Variants in CELF2 observed in about 807,000 individuals in gnomAD.
The protein encoded by CELF2 is CUGBP Elav-like family member 2, also known as CUG triplet repeat RNA-binding protein 2.
A neutral mutation model predicts 62.6 loss-of-function variants in CELF2; 8 were observed. The ratio of observed to expected loss-of-function variants is 0.13; its 90% confidence interval spans 0.07 to 0.23. CELF2 has a LOEUF of 0.23. Among genes scored for constraint, CELF2 ranks in the 10% least tolerant of loss-of-function variants. CELF2 has a pLI of 1.00. For missense variants in CELF2, 333 were observed against 671.0 expected (o/e 0.50, Z 5.56); for synonymous variants, 258 against 250.0 (o/e 1.03, Z -0.30).
chr10:11,250,537 C>T (rs926338210), intron 4 of CELF2, among the ~76,000 whole-genome samples: 2 of 152,204 alleles, frequency 1.3e-5, no homozygotes, highest in Non-Finnish European at 1.5e-5. Context: ...CACGCCACTC[C>T]TGTAGTCAGC....
intron 3 of CELF2, among the ~76,000 whole-genome samples, chr10:11,238,253 G>A (rs544097432): frequency 6.6e-6 from 1 of 152,326 alleles, no homozygotes; most frequent in South Asian, 2.1e-4. Context: ...AGTAGTGATT[G>A]TGATCTTCCG....
In CELF2 at chr10:10,990,991, C is replaced by T. The variant is rs202057116; in HGVS notation, c.89+70992C>T. 6.7e-6 allele frequency among the ~76,000 whole-genome samples: 1 copy of T among 149,852 alleles called. No homozygotes were observed. Among genetic ancestry groups the T allele is most frequent in the Non-Finnish European group, 1.5e-5 (1 of 67,544 alleles). On this transcript the variant is annotated intron_variant, in intron 2 of 13. Coordinates refer to the CELF2 transcript ENST00000636488. This position sits in a 1 kb window ranked among gnomAD's most constrained non-coding sequence, Gnocchi z 4.6. ...TGCGTGTGTGTGTGTGTGTGTGTGC[C>T]CACACGTGTGTGTTGTTTTGTTTGT...
intron 1 of CELF2, among the ~76,000 whole-genome samples, chr10:11,035,349 G>C (rs1211910781): frequency 6.6e-6 from 1 of 152,192 alleles, no homozygotes; most frequent in Admixed American, 6.5e-5. Flanking sequence ...ACCCTTCCCT[G>C]GTGCCTGGAT....
At chr10:11,250,196 G>A (rs150323107) in intron 4 of CELF2, among the ~76,000 whole-genome samples, 36 of 152,298 alleles carry the variant, frequency 2.4e-4, no homozygotes, top group African/African-American at 7.9e-4. Flanking sequence ...GCCAGCACCC[G>A]ACTTGTCAGA....
At chr10:10,956,958 G>A (rs918468120) in intron 2 of CELF2, among the ~76,000 whole-genome samples, 1 of 151,586 alleles carries the variant, frequency 6.6e-6, no homozygotes, top group African/African-American at 2.4e-5. Flanking sequence ...AGAAAAAAAA[G>A]TGATTTGCTC....
intron 1 of CELF2, among the ~76,000 whole-genome samples, chr10:10,853,348 C>T (rs1259555812): frequency 6.6e-6 from 1 of 152,036 alleles, no homozygotes; most frequent in East Asian, 1.9e-4. Context: ...GCTTAATTAG[C>T]AGGCTCCTAT....
At chr10:10,859,263 C>T (rs963124321) in intron 1 of CELF2, among the ~76,000 whole-genome samples, 1 of 152,104 alleles carries the variant, frequency 6.6e-6, no homozygotes, top group Admixed American at 6.5e-5. Flanking sequence ...GTTGAGGGCT[C>T]AGGTTGATCA....
upstream of CELF2, among the ~76,000 whole-genome samples, chr10:10,793,900 G>A (rs537633514): frequency 6.6e-6 from 1 of 152,144 alleles, no homozygotes; most frequent in South Asian, 2.1e-4. Context: ...TTTAGCAGAG[G>A]GTTGCCAGAT....
chr10:11,137,065 T>C (rs1356960171), intron 1 of CELF2, among the ~76,000 whole-genome samples: 1 of 152,232 alleles, frequency 6.6e-6, no homozygotes, highest in Non-Finnish European at 1.5e-5. Context: ...GGCATATATG[T>C]AAGATTATAT....
At chr10:10,495,884 A>G in the CELF2 span, among the ~76,000 whole-genome samples, 1 of 152,232 alleles carries the variant, frequency 6.6e-6, no homozygotes, top group Non-Finnish European at 1.5e-5. Context: ...AAACATGGAC[A>G]TAATTTAAAG....
At chr10:10,584,020 G>A in the CELF2 span, among the ~76,000 whole-genome samples, 47,940 of 151,878 alleles carry the variant, frequency 0.32, 7,964 homozygotes, top group East Asian at 0.6. Context: ...ACCGTAGGGG[G>A]CTAAGGCTGT....
At chr10:10,856,027 T>G (rs1223261816) in intron 1 of CELF2, among the ~76,000 whole-genome samples, 1 of 152,008 alleles carries the variant, frequency 6.6e-6, no homozygotes, top group African/African-American at 2.4e-5. Flanking sequence ...AGAACTAAAT[T>G]TATTATACTT....
At chr10:10,594,242 A>G in the CELF2 span, among the ~76,000 whole-genome samples, 1 of 152,240 alleles carries the variant, frequency 6.6e-6, no homozygotes, top group Non-Finnish European at 1.5e-5. Context: ...TTTCTAGCTT[A>G]GGTGACTGGT....
intron 1 of CELF2, among the ~76,000 whole-genome samples, chr10:10,888,930 A>G (rs755587961): frequency 2.6e-5 from 4 of 152,252 alleles, no homozygotes; most frequent in Middle Eastern, 3.4e-3. Flanking sequence ...TGTCACTCTT[A>G]TCTTTGTCTT....
chr10:10,798,617 A>G (rs1016572151), upstream of CELF2: 4 of 397,082 alleles, frequency 1.0e-5, no homozygotes, highest in Admixed American at 8.8e-5. Flanking sequence ...CGGGGTGGAG[A>G]GAAGTCAGGA....
the CELF2 span, among the ~76,000 whole-genome samples, chr10:10,557,631 G>A: frequency 1.3e-5 from 2 of 152,070 alleles, no homozygotes; most frequent in Non-Finnish European, 2.9e-5. Context: ...GGGCAGTATT[G>A]CCATTTTCAC....
the CELF2 span, among the ~76,000 whole-genome samples, chr10:10,614,926 T>C: frequency 3.4e-3 from 518 of 152,084 alleles, 9 homozygotes; most frequent in African/African-American, 0.012. Context: ...ATAACTCTTT[T>C]TCGGTGGTGG....
chr10:10,728,067 GTC>G, the CELF2 span, among the ~76,000 whole-genome samples: 3 of 151,802 alleles, frequency 2.0e-5, no homozygotes, highest in Non-Finnish European at 2.9e-5. Flanking sequence ...GGTTGGGGAA[GTC>G]TCTGTCTAGA....
chr10:10,750,186 G>T, the CELF2 span, among the ~76,000 whole-genome samples: 3 of 152,116 alleles, frequency 2.0e-5, no homozygotes, highest in African/African-American at 7.2e-5. Context: ...GGAGGCTGAG[G>T]CAGGAGAATT....
Sources: allele counts gnomAD v4.1 joint callset (sites outside exome capture counted in the v4.1 genomes callset), GRCh38; gene constraint gnomAD v4.1.1; non-coding constraint Gnocchi (gnomAD v3.1); transcripts MANE v1.5; gene names NCBI Gene and HGNC (gene_info 2026-07-23, HGNC 2026-07-21).